Variants in REDIC1 observed in about 807,000 individuals in gnomAD.
REDIC1 encodes the protein regulator of DNA class I crossover intermediates 1.
chr12:39,853,112 AC>A, the REDIC1 span, among the ~76,000 whole-genome samples: 1 of 152,100 alleles, frequency 6.6e-6, no homozygotes, highest in African/African-American at 2.4e-5. Flanking sequence ...AACGCCAAGA[AC>A]CTGGACAACT....
chr12:39,658,880 CA>C, the REDIC1 span, among the ~76,000 whole-genome samples: 1 of 151,896 alleles, frequency 6.6e-6, no homozygotes, highest in Non-Finnish European at 1.5e-5. Context: ...TATATTCGTA[CA>C]TTTATTTATG....
chr12:39,827,532 T>C, the REDIC1 span, among the ~76,000 whole-genome samples: 2 of 152,170 alleles, frequency 1.3e-5, no homozygotes, highest in African/African-American at 4.8e-5. Context: ...ACTTACACTC[T>C]TTTGTGACGC....
chr12:39,638,417 A>T, the REDIC1 span, among the ~76,000 whole-genome samples: 1 of 152,020 alleles, frequency 6.6e-6, no homozygotes, highest in Admixed American at 6.6e-5. Context: ...TAATTGTTGC[A>T]TGATTTTGGC....
chr12:39,849,843 C>G, the REDIC1 span, among the ~76,000 whole-genome samples: 1 of 152,042 alleles, frequency 6.6e-6, no homozygotes, highest in South Asian at 2.1e-4. Context: ...TATATGGCTA[C>G]TCCCTTCTTT....
chr12:39,895,925 T>C, the REDIC1 span, among the ~76,000 whole-genome samples: 35 of 137,240 alleles, frequency 2.6e-4, 1 homozygote, highest in African/African-American at 8.5e-4. Flanking sequence ...TGCATATATG[T>C]GTATATGTGT....
At chr12:39,714,084 C>CGT in the REDIC1 span, among the ~76,000 whole-genome samples, 1 of 56,612 alleles carries the variant, frequency 1.8e-5, no homozygotes, top group Admixed American at 1.7e-4. Flanking sequence ...TGTATATACA[C>CGT]ATATATGTAC....
At chr12:39,802,413 A>T in the REDIC1 span, 14 of 152,156 alleles carry the variant, frequency 9.2e-5, no homozygotes, top group African/African-American at 3.1e-4. Context: ...AAAGACTAAG[A>T]TGGTTGATGC....
At chr12:39,703,096 G>T in the REDIC1 span, among the ~76,000 whole-genome samples, 1 of 152,128 alleles carries the variant, frequency 6.6e-6, no homozygotes, top group Non-Finnish European at 1.5e-5. Flanking sequence ...CAATTAGGCA[G>T]GAGAAGAAAA....
At chr12:39,646,868 G>A in the REDIC1 span, 4 of 1,598,474 alleles carry the variant, frequency 2.5e-6, no homozygotes, top group South Asian at 1.1e-5. Flanking sequence ...AAGTAGCAAG[G>A]AAGATCTTGG....
chr12:39,668,391 GGCCCCCACTCTCTTCTGGCTT>G, the REDIC1 span, among the ~76,000 whole-genome samples: 1 of 152,076 alleles, frequency 6.6e-6, no homozygotes, highest in African/African-American at 2.4e-5. Flanking sequence ...GTTGAATATT[GGCCCCCACTCTCTTCTGGCTT>G]GTAGAGTTTC....
chr12:39,895,972 A>G, the REDIC1 span, among the ~76,000 whole-genome samples: 3 of 145,112 alleles, frequency 2.1e-5, no homozygotes, highest in East Asian at 5.9e-4. Context: ...ATACATGTGT[A>G]TATGTATACA....
the REDIC1 span, among the ~76,000 whole-genome samples, chr12:39,696,379 T>C: frequency 2.0e-5 from 3 of 149,472 alleles, no homozygotes; most frequent in Non-Finnish European, 4.5e-5. Context: ...CCGTCTCTAC[T>C]AAAAATACAA....
the REDIC1 span, among the ~76,000 whole-genome samples, chr12:39,790,707 T>C: frequency 1.0e-5 from 1 of 95,254 alleles, no homozygotes; most frequent in Non-Finnish European, 2.1e-5. Flanking sequence ...TATAGCAGCA[T>C]GATTTATAGT....
the REDIC1 span, among the ~76,000 whole-genome samples, chr12:39,701,234 G>T: frequency 6.6e-6 from 1 of 152,122 alleles, no homozygotes; most frequent in Admixed American, 6.5e-5. Context: ...ATAAAAGGAT[G>T]GAGGAAGATC....
chr12:39,894,379 A>G, the REDIC1 span, among the ~76,000 whole-genome samples: 1 of 152,214 alleles, frequency 6.6e-6, no homozygotes, highest in African/African-American at 2.4e-5. Flanking sequence ...TCACAACAAT[A>G]TTTTTCTTAA....
chr12:39,855,209 A>G, the REDIC1 span, among the ~76,000 whole-genome samples: 3 of 152,226 alleles, frequency 2.0e-5, no homozygotes, highest in Non-Finnish European at 4.4e-5. Flanking sequence ...TACATACATT[A>G]CTATTTAATA....
At chr12:39,697,205 C>T in the REDIC1 span, among the ~76,000 whole-genome samples, 3 of 152,282 alleles carry the variant, frequency 2.0e-5, no homozygotes, top group Admixed American at 2.0e-4. Flanking sequence ...GAGAGAGTGG[C>T]ATGACATATT....
chr12:39,666,314 T>C, the REDIC1 span, among the ~76,000 whole-genome samples: 1 of 152,234 alleles, frequency 6.6e-6, no homozygotes, highest in Non-Finnish European at 1.5e-5. Flanking sequence ...TCTGCATCTA[T>C]TGAGATAATC....
At chr12:39,870,042 A>T in the REDIC1 span, among the ~76,000 whole-genome samples, 2 of 152,222 alleles carry the variant, frequency 1.3e-5, no homozygotes, top group African/African-American at 4.8e-5. Context: ...CTCTGTATCA[A>T]TAAGGGCTCA....
Sources: allele counts gnomAD v4.1 joint callset (sites outside exome capture counted in the v4.1 genomes callset), GRCh38; gene constraint gnomAD v4.1.1; transcripts MANE v1.5; gene names NCBI Gene and HGNC (gene_info 2026-07-23, HGNC 2026-07-21).